The following UBAP2L variants were observed in gnomAD, a reference collection of about 807,000 sequenced individuals.
UBAP2L encodes the protein ubiquitin associated protein 2 like.
UBAP2L carries 12 observed loss-of-function variants against 130.6 expected under a neutral mutation model. That is an observed-to-expected ratio of 0.09 (90% CI 0.06 to 0.15). The LOEUF (loss-of-function observed/expected upper bound fraction) is 0.15, where lower values mean the gene tolerates loss of function less well. UBAP2L is among the 10% of genes least tolerant of loss of function. UBAP2L has a pLI of 1.00. For synonymous variants in UBAP2L, 503 were observed against 524.7 expected (o/e 0.96, Z 0.57); for missense variants, 965 against 1,332.5 (o/e 0.72, Z 4.29).
rs112280613 is a variant in UBAP2L at position 154,258,997 on chromosome 1, T to C, written c.2463T>C (p.Asp821=). ...HAYPPQVYGY[D]DLQMLQTRFP... ...TTCAGCCACAAGTATATGGTTATGATGACTTGCAGATGCTTCAGACAAGAT... is the reference window on the plus strand; with the variant it reads ...TTCAGCCACAAGTATATGGTTATGACGACTTGCAGATGCTTCAGACAAGAT... The change falls in exon 21 of 27, where the codon GAT becomes GAC. Residue 821 remains aspartate, a synonymous_variant. Coordinates refer to ENST00000428931, the MANE Select transcript of UBAP2L (RefSeq NM_014847.4). 6.2e-7 allele frequency: 1 copy of C among 1,614,066 alleles called. No homozygotes were observed. The highest frequency in any genetic ancestry group is 8.5e-7 in the Non-Finnish European group (1 of 1,179,950).
At chr1:154,232,948 T>C (rs1329464383) in intron 4 of UBAP2L, among the ~76,000 whole-genome samples, 2 of 152,152 alleles carry the variant, frequency 1.3e-5, no homozygotes, top group African/African-American at 4.8e-5. Context: ...TCCTCCTGCC[T>C]TGATCTCTCG....
At chr1:154,250,724 C>T (rs957473943) in intron 12 of UBAP2L, among the ~76,000 whole-genome samples, 2 of 151,754 alleles carry the variant, frequency 1.3e-5, no homozygotes, top group South Asian at 2.1e-4. Flanking sequence ...CATGGTGGCG[C>T]GCGCCTGTAG....
chr1:154,244,084 C>G (rs1295646181), intron 10 of UBAP2L, among the ~76,000 whole-genome samples: 1 of 152,120 alleles, frequency 6.6e-6, no homozygotes, highest in East Asian at 1.9e-4. Context: ...ATTTAAATCT[C>G]TAGGGATCAG....
At position 154,270,373 on chromosome 1, in the gene UBAP2L, G is replaced by T. The variant is rs1684479639; in HGVS notation, c.*78G>T. 9 of 1,594,918 alleles carry T rather than the reference G, an allele frequency of 5.6e-6. No homozygotes were observed. In the East Asian group the frequency reaches 2.0e-4, roughly 36 times the overall value. The stretch of plus-strand genomic sequence containing the variant: ...GAAACTATGGAAACAGCATCAAAGA[G>T]AAAGGAATGTGGGGGGTTTCCGCTG... On this transcript the variant is annotated 3_prime_UTR_variant, in exon 27 of 27. Coordinates refer to ENST00000428931, the MANE Select transcript of UBAP2L (RefSeq NM_014847.4).
chr1:154,231,791 G>T (rs1293319272), intron 4 of UBAP2L, among the ~76,000 whole-genome samples: 1 of 152,066 alleles, frequency 6.6e-6, no homozygotes, highest in African/African-American at 2.4e-5. Context: ...GTGGCATTTT[G>T]TTTACTCATC....
chr1:154,257,625 C>A, intron 20 of UBAP2L, 191 bp downstream of exon 20: 1 of 618,682 alleles, frequency 1.6e-6, no homozygotes, highest in Non-Finnish European at 2.8e-6. Context: ...ATCTGTGTGT[C>A]TGGTTGGAAA....
chr1:154,236,527 A>G, intron 6 of UBAP2L, 39 bp from the exon 7 acceptor site: 2 of 1,612,282 alleles, frequency 1.2e-6, no homozygotes, highest in Non-Finnish European at 1.7e-6. Flanking sequence ...TCAACTTCTA[A>G]AATACATCTC....
At chr1:154,222,094 G>C (rs1263830385) in intron 1 of UBAP2L, among the ~76,000 whole-genome samples, 1 of 152,072 alleles carries the variant, frequency 6.6e-6, no homozygotes, top group Non-Finnish European at 1.5e-5. Flanking sequence ...AGGCGTTTTT[G>C]TTATTATTGT....
At chr1:154,261,875 T>C (rs1464133697) in intron 24 of UBAP2L, among the ~76,000 whole-genome samples, 178 bp downstream of exon 24, 1 of 152,200 alleles carries the variant, frequency 6.6e-6, no homozygotes, top group African/African-American at 2.4e-5. Flanking sequence ...ACAGAGGAGC[T>C]TGATACTAGG....
At chr1:154,227,476 G>A in intron 3 of UBAP2L, 117 bp downstream of exon 3, 1 of 870,064 alleles carries the variant, frequency 1.1e-6, no homozygotes, top group South Asian at 1.5e-5. Context: ...AAAGAATTTT[G>A]ACCTGAAATA....
chr1:154,235,719 A>G (rs1043077618), intron 6 of UBAP2L, among the ~76,000 whole-genome samples: 4 of 152,198 alleles, frequency 2.6e-5, no homozygotes, highest in Admixed American at 6.5e-5. Flanking sequence ...TACATTGGCC[A>G]GGCTGGCCTC....
intron 11 of UBAP2L, among the ~76,000 whole-genome samples, chr1:154,248,593 G>A (rs1016498816): frequency 3.3e-5 from 5 of 152,146 alleles, no homozygotes; most frequent in African/African-American, 1.2e-4. Flanking sequence ...GAGGCGGGTG[G>A]ATCACGAGGT....
chr1:154,268,898 C>T lies in UBAP2L; in HGVS notation c.3112C>T (p.Pro1038Ser). Residue 1038 changes from proline to serine, a missense_variant, in exon 26 of 27, where the codon CCC becomes TCC. By Grantham distance (74) the Pro-to-Ser change is moderately conservative (BLOSUM62 -1). Around this residue, in one of 9 missense-constraint regions of UBAP2L, gnomAD observed 194 missense variants for 334.0 expected, o/e 0.58. Coordinates refer to ENST00000428931, the MANE Select transcript of UBAP2L (RefSeq NM_014847.4). ...PPAPFMHILT[P>S]HQQPHSQILH... ...TGCCCCCTTTATGCACATTCTGACC[C>T]CCCATCAGCAGCCGCATTCTCAGAT... 6.2e-7 allele frequency: 1 copy of T among 1,613,818 alleles called. No homozygotes were observed. The highest frequency in any genetic ancestry group is 8.5e-7 in the Non-Finnish European group (1 of 1,179,970).
chr1:154,267,356 A>G (rs1002160139), intron 25 of UBAP2L, among the ~76,000 whole-genome samples: 1 of 151,838 alleles, frequency 6.6e-6, no homozygotes, highest in Non-Finnish European at 1.5e-5. Flanking sequence ...GGGTTTCACC[A>G]TCTTGGCTAG....
intron 9 of UBAP2L, 156 bp from the exon 10 acceptor site, chr1:154,243,061 G>T: frequency 1.7e-6 from 1 of 590,572 alleles, no homozygotes; most frequent in Non-Finnish European, 3.0e-6. Flanking sequence ...TATATTGAAG[G>T]GCTTGAAAGT....
upstream of UBAP2L, chr1:154,220,386 G>T: frequency 6.2e-7 from 1 of 1,614,230 alleles, no homozygotes; most frequent in Non-Finnish European, 8.5e-7. Context: ...ACCCCGGAGA[G>T]CCAGTTACTG....
At chr1:154,241,812 T>A in intron 9 of UBAP2L, 1 of 981,376 alleles carries the variant, frequency 1.0e-6, no homozygotes, top group Non-Finnish European at 1.2e-6. Context: ...GTCCAATATC[T>A]GATTGTCGGA....
At chr1:154,251,415 G>T (rs879292471) in intron 13 of UBAP2L, 66 bp from the exon 14 acceptor site, 336 of 1,576,982 alleles carry the variant, frequency 2.1e-4, no homozygotes, top group Non-Finnish European at 2.7e-4. Flanking sequence ...AAAGGGAAGG[G>T]TTTTTTTTAG....
At chr1:154,269,467 C>A in intron 26 of UBAP2L, 1 of 1,276,674 alleles carries the variant, frequency 7.8e-7, no homozygotes, top group Non-Finnish European at 1.0e-6. Context: ...GTCCCCATTT[C>A]ACCTTCACAG....
Sources: allele counts gnomAD v4.1 joint callset (sites outside exome capture counted in the v4.1 genomes callset), GRCh38; gene constraint gnomAD v4.1.1; regional missense constraint gnomAD v4.1.1; transcripts MANE v1.5; gene names NCBI Gene and HGNC (gene_info 2026-07-23, HGNC 2026-07-21).